Variants in BAG3 observed in about 807,000 individuals in gnomAD.
The protein encoded by BAG3 is BAG cochaperone 3.
In BAG3, 14 loss-of-function variants were observed where a neutral mutation model predicts 40.5. That is an observed-to-expected ratio of 0.35 (90% confidence interval 0.23 to 0.54). The LOEUF (loss-of-function observed/expected upper bound fraction) is 0.54. Among genes scored for constraint, BAG3 ranks in the 20% least tolerant of loss-of-function variants. The pLI is 0.91. For missense variants in BAG3, 788 were observed against 758.6 expected, an observed-to-expected ratio of 1.04 and a Z score of -0.46; for synonymous variants, 302 against 307.8, an observed-to-expected ratio of 0.98 and a Z score of 0.20.
At position 119,676,592 on chromosome 10, in the gene BAG3, G is replaced by A; in HGVS notation, c.1038G>A (p.Val346=). 2 of 1,614,068 alleles carry A rather than the reference G, an allele frequency of 1.2e-6. No individual in the cohort carries two copies. The highest frequency in any genetic ancestry group is 8.5e-7 in the Non-Finnish European group (1 of 1,180,012). Residue 346 remains valine (V), a synonymous_variant, in exon 4 of 4, where the codon GTG becomes GTA. Coordinates refer to ENST00000369085, the MANE Select transcript of BAG3 (RefSeq NM_004281.4). Reference sequence around the variant, plus strand: ...CAATTCAAGTGATCCGCAAAGAGGTGGATTCTAAACCTGTTTCCCAGAAGC... The same window carrying A: ...CAATTCAAGTGATCCGCAAAGAGGTAGATTCTAAACCTGTTTCCCAGAAGC... The part of the protein sequence containing the change: ...HIPIQVIRKE[V]DSKPVSQKPP...
chr10:119,662,200 A>G (rs1589624897), intron 1 of BAG3, among the ~76,000 whole-genome samples: 1 of 140,164 alleles, frequency 7.1e-6, no homozygotes, highest in Non-Finnish European at 1.5e-5. Flanking sequence ...GGCCCCCGCC[A>G]CCATGCCTGG....
chr10:119,653,774 C>T (rs532502421), intron 1 of BAG3, among the ~76,000 whole-genome samples: 3 of 152,252 alleles, frequency 2.0e-5, no homozygotes, highest in South Asian at 4.1e-4. Flanking sequence ...GGTCATCCAG[C>T]TAGTACCAAC....
At chr10:119,654,797 G>T (rs888584530) in intron 1 of BAG3, among the ~76,000 whole-genome samples, 1 of 152,190 alleles carries the variant, frequency 6.6e-6, no homozygotes, top group East Asian at 1.9e-4. Flanking sequence ...AACAGAGGCC[G>T]GATGTTCTGG....
intron 3 of BAG3, among the ~76,000 whole-genome samples, chr10:119,673,341 A>G (rs1847178872): frequency 6.6e-6 from 1 of 152,156 alleles, no homozygotes; most frequent in South Asian, 2.1e-4. Flanking sequence ...CACAGGGCCC[A>G]TGTCTTAACC....
At chr10:119,657,012 T>TGGCTGCTTTATACTCCCCAGGCAC (rs941439552) in intron 1 of BAG3, among the ~76,000 whole-genome samples, 13 of 152,104 alleles carry the variant, frequency 8.5e-5, no homozygotes, top group African/African-American at 1.9e-4. Flanking sequence ...TTAGCGGGCC[T>TGGCTGCTTTATACTCCCCAGGCAC]GGCTGCTTTA....
intron 2 of BAG3, among the ~76,000 whole-genome samples, chr10:119,671,773 GT>G (rs1481944318): frequency 6.6e-6 from 1 of 151,450 alleles, no homozygotes. Flanking sequence ...GTGTGTGTGT[GT>G]TTTGTTTTGT....
In BAG3 at chr10:119,676,783, C is replaced by T. The variant is rs767934279; in HGVS notation, c.1229C>T (p.Pro410Leu). The T allele has an allele frequency of 6.2e-7, 1 of 1,614,200 alleles. No individual in the cohort carries two copies. Among genetic ancestry groups the T allele is most frequent in the Admixed American group, 1.7e-5 (1 of 60,030 alleles). ...CCTGCAGAAGCTACACCTCCAAAAC[C>T]AGGAGAAGCCGAGGCTCCCCCAAAA... ...TAPAEATPPKPGEAEAPPKHP... is the reference protein window; with the variant it reads ...TAPAEATPPKLGEAEAPPKHP... The change falls in exon 4 of 4, where the codon CCA (proline) becomes CTA (leucine). Residue 410 changes from proline (P) to leucine (L), a missense_variant. Transcript: ENST00000369085.
At chr10:119,669,449 C>T (rs1847110183) in intron 1 of BAG3, among the ~76,000 whole-genome samples, 1 of 152,142 alleles carries the variant, frequency 6.6e-6, no homozygotes, top group Admixed American at 6.5e-5. Flanking sequence ...AACAGAGACG[C>T]TTGCTGTAAT....
chr10:119,668,533 A>T (rs1258273006), intron 1 of BAG3, among the ~76,000 whole-genome samples: 1 of 152,154 alleles, frequency 6.6e-6, no homozygotes, highest in African/African-American at 2.4e-5. Flanking sequence ...CTGGGAAAGG[A>T]CCCTCGGTGC....
intron 1 of BAG3, among the ~76,000 whole-genome samples, chr10:119,652,952 A>G (rs886192968): frequency 4.6e-5 from 7 of 152,228 alleles, no homozygotes; most frequent in African/African-American, 1.7e-4. Context: ...TAAATATGTT[A>G]TACTTAAAGC....
intron 3 of BAG3, among the ~76,000 whole-genome samples, chr10:119,674,341 C>G (rs1428177155): frequency 6.6e-6 from 1 of 152,186 alleles, no homozygotes; most frequent in Non-Finnish European, 1.5e-5. Context: ...TCGATCCATA[C>G]TTGGGTTCAG....
At chr10:119,665,141 T>TTTC (rs770421648) in intron 1 of BAG3, among the ~76,000 whole-genome samples, 22 of 85,908 alleles carry the variant, frequency 2.6e-4, no homozygotes, top group African/African-American at 6.8e-4. Context: ...TATATATATA[T>TTTC]ATATTTTTTT....
intron 3 of BAG3, among the ~76,000 whole-genome samples, chr10:119,675,059 T>C (rs1847201032): frequency 6.6e-6 from 1 of 150,444 alleles, no homozygotes; most frequent in Non-Finnish European, 1.5e-5. Flanking sequence ...TTACTAGGCG[T>C]GGTGGCTCAC....
rs775153939 is a variant in BAG3 at position 119,676,756 on chromosome 10, C to G, written c.1202C>G (p.Ala401Gly). The change falls in exon 4 of 4, where the codon GCC becomes GGC. Residue 401 changes from alanine to glycine, a missense_variant. Coordinates refer to ENST00000369085, the MANE Select transcript of BAG3 (RefSeq NM_004281.4). ...ATEERAAPSTAPAEATPPKPG... is the reference protein window; with the variant it reads ...ATEERAAPSTGPAEATPPKPG... ...GAAGAGAGGGCAGCCCCCAGCACTG[C>G]CCCTGCAGAAGCTACACCTCCAAAA... The G allele has an allele frequency of 2.7e-5, 44 of 1,614,024 alleles. No individual in the cohort carries two copies. The highest frequency in any genetic ancestry group is 3.5e-5 in the Non-Finnish European group (41 of 1,180,034).
Position 119,677,185 on chromosome 10 carries a change from A to T in BAG3, c.1631A>T (p.Asp544Val). Residue 544 changes from aspartate to valine, a missense_variant, in exon 4 of 4, where the codon GAT becomes GTT. Coordinates refer to ENST00000369085, the MANE Select transcript of BAG3 (RefSeq NM_004281.4). ...AAGAAAAATGCTGGAAATGCAGAAGATCCCCACACAGAAACCCAGCAGCCA... is the reference window on the plus strand; with the variant it reads ...AAGAAAAATGCTGGAAATGCAGAAGTTCCCCACACAGAAACCCAGCAGCCA... The part of the protein sequence containing the change: ...KGKKNAGNAE[D>V]PHTETQQPEA... 1 of 1,614,132 alleles carries T rather than the reference A, an allele frequency of 6.2e-7. No individual in the cohort carries two copies. The highest frequency in any genetic ancestry group is 8.5e-7 in the Non-Finnish European group (1 of 1,180,026).
At chr10:119,654,761 CACTCCTCCAG>C (rs1281192112) in intron 1 of BAG3, among the ~76,000 whole-genome samples, 1 of 152,238 alleles carries the variant, frequency 6.6e-6, no homozygotes, top group Non-Finnish European at 1.5e-5. Flanking sequence ...CTGGTGCAGC[CACTCCTCCAG>C]GCTCCTCCCT....
intron 1 of BAG3, among the ~76,000 whole-genome samples, chr10:119,664,783 T>C (rs1438668731): frequency 1.3e-5 from 2 of 152,226 alleles, no homozygotes; most frequent in Non-Finnish European, 2.9e-5. Flanking sequence ...TTTAGTCAGA[T>C]TCTAGAATTA....
At position 119,675,293 on chromosome 10, in the gene BAG3, G is replaced by A. The variant is rs541361419; in HGVS notation, c.910-1171G>A. Among the ~76,000 whole-genome samples the A allele has an allele frequency of 4.6e-5, 7 of 151,430 alleles. No individual in the cohort carries two copies. The South Asian group carries it at 6.3e-4, about 14-fold the overall frequency. ...GGCTGCATTGAGCTGTGATAGCCCC[G>A]CTGCACTCCAGCCTGGGCAACAGAG... On this transcript the variant is annotated intron_variant, in intron 3 of 3. Transcript: ENST00000369085.
At position 119,665,092 on chromosome 10, in the gene BAG3, T is replaced by TC. The variant is rs34372634; in HGVS notation, c.181-4759_181-4758insC. Among the ~76,000 whole-genome samples the TC allele has an allele frequency of 3.6e-3, 313 of 87,734 alleles. 2 individuals are homozygous for TC. Among genetic ancestry groups the TC allele is most frequent in the South Asian group, 0.019 (51 of 2,718 alleles). The allele number at this position is 87,734 out of a possible 152,430, so 57.6% of individuals were successfully genotyped here. A position where few individuals can be genotyped will look rare whatever the true frequency, so the allele number is the denominator to read the frequency against. On this transcript the variant is annotated intron_variant, in intron 1 of 3. Coordinates refer to ENST00000369085, the MANE Select transcript of BAG3 (RefSeq NM_004281.4). The stretch of plus-strand genomic sequence containing the variant: ...GCCACCACACACAGCTAATTTTTGT[T>TC]TGTGTGTGTGTGTGTGTGTGTGTGT...
Sources: allele counts gnomAD v4.1 joint callset (sites outside exome capture counted in the v4.1 genomes callset), GRCh38; gene constraint gnomAD v4.1.1; transcripts MANE v1.5; gene names NCBI Gene and HGNC (gene_info 2026-07-23, HGNC 2026-07-21).